Variants in RBFOX2 observed in about 807,000 individuals in gnomAD.
RBFOX2 encodes the protein RNA binding fox-1 homolog 2.
Under a neutral mutation model 49.1 loss-of-function variants are expected in RBFOX2, and 10 were observed. The observed-to-expected ratio is 0.20, with a 90% CI of 0.13 to 0.35. The LOEUF is 0.35. Among genes scored for constraint, RBFOX2 ranks in the 10% least tolerant of loss-of-function variants. RBFOX2 has a pLI of 1.00. For missense variants in RBFOX2, 323 were observed against 486.9 expected (o/e 0.66, Z 3.17); for synonymous variants, 183 against 187.4 (o/e 0.98, Z 0.19).
intron 5 of RBFOX2, among the ~76,000 whole-genome samples, chr22:35,765,863 G>A (rs1171369640): frequency 6.6e-6 from 1 of 152,156 alleles, no homozygotes; most frequent in Admixed American, 6.5e-5. Context: ...TGCCACATGG[G>A]TTATGAAATA....
At chr22:35,917,493 T>C (rs977608369) in intron 1 of RBFOX2, among the ~76,000 whole-genome samples, 1 of 152,204 alleles carries the variant, frequency 6.6e-6, no homozygotes, top group Non-Finnish European at 1.5e-5. Context: ...GCAAAAATTA[T>C]AGCAGGCATA....
chr22:35,818,260 C>G (rs924628390), intron 1 of RBFOX2, among the ~76,000 whole-genome samples: 18 of 152,146 alleles, frequency 1.2e-4, no homozygotes, highest in African/African-American at 4.3e-4. Context: ...CAACAGACAG[C>G]AAGAACTACT....
upstream of RBFOX2, among the ~76,000 whole-genome samples, chr22:35,941,816 G>C (rs1345175356): frequency 6.6e-6 from 1 of 152,176 alleles, no homozygotes; most frequent in African/African-American, 2.4e-5. Context: ...GTTGCACAGA[G>C]ATGTGTCAGA....
chr22:35,852,608 T>C (rs1465561528), intron 1 of RBFOX2, among the ~76,000 whole-genome samples: 2 of 152,130 alleles, frequency 1.3e-5, no homozygotes, highest in Non-Finnish European at 2.9e-5. Context: ...ATTTCATACA[T>C]AGCAGTACAG....
Position 35,772,283 on chromosome 22 carries a change from A to G in RBFOX2, c.454-3934T>C, listed in dbSNP as rs534657324. Among the ~76,000 whole-genome samples, 12 of 152,308 alleles carry G rather than the reference A, an allele frequency of 7.9e-5. No individual in the cohort carries two copies. The South Asian group carries it at 2.5e-3, about 32-fold the overall frequency. On this transcript the variant is annotated intron_variant, in intron 4 of 11. Transcript: ENST00000405409. ...CTACACTAGCACTGCAGACAGAAAT[A>G]TAATACAAACCACATATATAATTTA...
intron 1 of RBFOX2, among the ~76,000 whole-genome samples, chr22:35,904,478 TATAA>T (rs1163807209): frequency 1.3e-4 from 20 of 152,318 alleles, no homozygotes; most frequent in African/African-American, 4.8e-4. Flanking sequence ...AACCAAGTCC[TATAA>T]ATAAAGTTAG....
At chr22:36,022,067 A>C (rs1048917099) in intron 1 of RBFOX2, among the ~76,000 whole-genome samples, 1 of 152,176 alleles carries the variant, frequency 6.6e-6, no homozygotes, top group Non-Finnish European at 1.5e-5. Flanking sequence ...GGAAGTGCAC[A>C]TTTGCCCCAG....
intron 1 of RBFOX2, among the ~76,000 whole-genome samples, chr22:35,893,976 G>A (rs115848316): frequency 0.023 from 3,529 of 152,122 alleles, 146 homozygotes; most frequent in African/African-American, 0.08. Flanking sequence ...TCTTTGCAAC[G>A]GACTGTAAGA....
At chr22:35,984,323 T>C (rs943865610) in intron 1 of RBFOX2, among the ~76,000 whole-genome samples, 6 of 152,188 alleles carry the variant, frequency 3.9e-5, no homozygotes, top group African/African-American at 1.4e-4. Context: ...TTGGCTAATA[T>C]TGAGAACCTC....
intron 1 of RBFOX2, among the ~76,000 whole-genome samples, chr22:35,958,172 A>G (rs150955730): frequency 7.2e-5 from 11 of 152,352 alleles, no homozygotes; most frequent in South Asian, 2.1e-4. Flanking sequence ...ATTGAGTTTT[A>G]TAACAGTCTC....
intron 9 of RBFOX2, chr22:35,750,423 G>C: frequency 6.3e-7 from 1 of 1,598,290 alleles, no homozygotes; most frequent in Non-Finnish European, 8.6e-7. Context: ...CACACAATCA[G>C]ACCTGTTTGA....
intron 1 of RBFOX2, among the ~76,000 whole-genome samples, chr22:35,819,409 T>A (rs1209689346): frequency 1.3e-5 from 2 of 152,192 alleles, no homozygotes; most frequent in African/African-American, 4.8e-5. Context: ...AATAACATTT[T>A]TTTTGGTTTT....
chr22:35,846,865 A>G (rs968474655), intron 1 of RBFOX2, among the ~76,000 whole-genome samples: 2 of 152,192 alleles, frequency 1.3e-5, no homozygotes, highest in African/African-American at 4.8e-5. Flanking sequence ...CAGGAAATTT[A>G]GCTATACCTC....
intron 1 of RBFOX2, among the ~76,000 whole-genome samples, chr22:35,935,384 T>C (rs2052938639): frequency 6.6e-6 from 1 of 152,208 alleles, no homozygotes; most frequent in Admixed American, 6.5e-5. Context: ...AAGCAATGGA[T>C]TGTCATCCCA....
At chr22:35,891,849 CAAAAA>C (rs969989329) in intron 1 of RBFOX2, among the ~76,000 whole-genome samples, 3 of 108,666 alleles carry the variant, frequency 2.8e-5, no homozygotes, top group Non-Finnish European at 5.9e-5. Context: ...CTGTGCAACG[CAAAAA>C]AAAAAAAAAA....
chr22:35,836,502 G>C (rs917971279), intron 1 of RBFOX2: 1 of 152,298 alleles, frequency 6.6e-6, no homozygotes, highest in Non-Finnish European at 1.5e-5. Flanking sequence ...ATACACTCCA[G>C]AGCGGCCTGC....
In RBFOX2 at chr22:35,781,589, CAG is replaced by C; in HGVS notation, c.399+9_399+10del. ...AATTGTAAAATCCATAAAAAGACTT[CAG>C]AGACTTACCCCAAACATCTGCCGGA... On this transcript the variant is annotated intron_variant, in intron 3 of 11. Transcript: ENST00000405409. 1 of 1,611,956 alleles carries C rather than the reference CAG, an allele frequency of 6.2e-7. No individual in the cohort carries two copies.
intron 1 of RBFOX2, chr22:35,897,659 T>C (rs1406987875): frequency 2.1e-6 from 3 of 1,404,848 alleles, no homozygotes; most frequent in South Asian, 2.3e-5. Flanking sequence ...GCATTAACAA[T>C]TCCTTTGGAT....
At chr22:35,806,821 G>C (rs956994225) in intron 2 of RBFOX2, among the ~76,000 whole-genome samples, 2 of 152,058 alleles carry the variant, frequency 1.3e-5, no homozygotes, top group Admixed American at 6.6e-5. Flanking sequence ...TTCGGGGAGT[G>C]GGGGACGGAG....
Sources: gnomAD v4.1 joint callset for allele counts (sites outside exome capture counted in the v4.1 genomes callset) on GRCh38, gnomAD v4.1.1 for gene constraint, MANE v1.5 for transcripts, NCBI Gene and HGNC (gene_info 2026-07-23, HGNC 2026-07-21) for gene names.